The following LBP variants were observed in gnomAD, a reference collection of about 807,000 sequenced individuals.
LBP encodes lipopolysaccharide-binding protein.
In LBP, 53 loss-of-function variants were observed where a neutral mutation model predicts 56.6. That is an observed-to-expected ratio of 0.94 (90% CI 0.75 to 1.18). The LOEUF is 1.18. Ranked by LOEUF, LBP falls within the 50% of genes most tolerant of loss-of-function variation. The pLI, the probability that LBP is intolerant of heterozygous loss-of-function variation, is 0.00. For missense variants in LBP, 601 were observed against 598.3 expected (o/e 1.00, Z -0.05); for synonymous variants, 227 against 247.5 (o/e 0.92, Z 0.78).
intron 1 of LBP, among the ~76,000 whole-genome samples, chr20:38,347,338 G>C (rs906186993): frequency 6.6e-6 from 1 of 152,040 alleles, no homozygotes; most frequent in Non-Finnish European, 1.5e-5. Flanking sequence ...CAGGCCAGGA[G>C]TTCGAGGCAA....
At chr20:38,353,548 G>A (rs764853823) in intron 3 of LBP, among the ~76,000 whole-genome samples, 21 of 122,236 alleles carry the variant, frequency 1.7e-4, no homozygotes, top group African/African-American at 6.6e-4. Flanking sequence ...CCCACACCAC[G>A]CGTATATCTT....
In LBP at chr20:38,376,838, T is replaced by C. The variant is rs761630828; in HGVS notation, c.*169T>C. ...ACCCTCCTCCTCTTCACCAGGTGCATGCATGCCCTCTCTGAGTCTGGACTT... is the reference window on the plus strand; with the variant it reads ...ACCCTCCTCCTCTTCACCAGGTGCACGCATGCCCTCTCTGAGTCTGGACTT... On this transcript the variant is annotated 3_prime_UTR_variant, in exon 15 of 15. Transcript: ENST00000217407. 1.4e-5 allele frequency: 10 copies of C among 737,358 alleles called. No individual in the cohort carries two copies. The highest frequency in any genetic ancestry group is 5.7e-5 in the South Asian group (4 of 70,338). 45.7% of individuals were successfully genotyped at this position (737,358 alleles called of 1,614,324 possible). A position where few individuals can be genotyped will look rare whatever the true frequency, so the allele number is the denominator to read the frequency against.
intron 9 of LBP, among the ~76,000 whole-genome samples, chr20:38,368,531 A>G (rs2076890553): frequency 6.6e-6 from 1 of 152,118 alleles, no homozygotes; most frequent in Non-Finnish European, 1.5e-5. Flanking sequence ...CCCCAGAGGC[A>G]GAGGTTGCAG....
At chr20:38,362,422 A>G (rs13043870) in intron 6 of LBP, among the ~76,000 whole-genome samples, 75,134 of 145,154 alleles carry the variant, frequency 0.52, 19,777 homozygotes, top group Non-Finnish European at 0.56. Flanking sequence ...AGACCAGCCC[A>G]GTCAACATGG....
intron 5 of LBP, among the ~76,000 whole-genome samples, chr20:38,357,859 G>T (rs913762314): frequency 3.3e-5 from 5 of 152,166 alleles, no homozygotes; most frequent in African/African-American, 1.2e-4. Context: ...AATTGCCATG[G>T]CATTTGTAAA....
chr20:38,361,305 A>G (rs1361651496), intron 6 of LBP, among the ~76,000 whole-genome samples: 2 of 152,240 alleles, frequency 1.3e-5, no homozygotes, highest in East Asian at 3.8e-4. Flanking sequence ...ATGTAAGCAT[A>G]TAAATAGACA....
At chr20:38,371,131 A>T in intron 11 of LBP, 149 bp from the exon 12 acceptor site, 1 of 636,228 alleles carries the variant, frequency 1.6e-6, no homozygotes, top group East Asian at 2.6e-5. Flanking sequence ...CACTGCTTTT[A>T]GTTCCTCAGT....
chr20:38,366,677 A>G lies in LBP; in HGVS notation c.922-92A>G, dbSNP rs2076883146. On this transcript the variant is annotated intron_variant, in intron 8 of 14. Transcript: ENST00000217407. The stretch of plus-strand genomic sequence containing the variant: ...GTAACCCAGGCTGTGGAGAAGCGAC[A>G]GTCTTGCACATCCCCCTGTCTCCCC... 18 of 1,175,498 alleles carry G rather than the reference A, an allele frequency of 1.5e-5. 2 individuals carry two copies. The Middle Eastern group carries it at 1.3e-3, about 87-fold the overall frequency. 72.8% of individuals were successfully genotyped at this position (1,175,498 alleles called of 1,614,324 possible).
intron 6 of LBP, among the ~76,000 whole-genome samples, chr20:38,361,021 G>A (rs1285606087): frequency 6.6e-6 from 1 of 151,972 alleles, no homozygotes; most frequent in African/African-American, 2.4e-5. Flanking sequence ...AATTAGCCGG[G>A]CGTGGTGGCG....
chr20:38,368,911 C>A, intron 9 of LBP, 84 bp from the exon 10 acceptor site: 2 of 1,390,330 alleles, frequency 1.4e-6, no homozygotes, highest in Non-Finnish European at 2.0e-6. Flanking sequence ...AAGCAACTTC[C>A]AGCTTTATCT....
chr20:38,357,384 A>G (rs1164490851), intron 5 of LBP, among the ~76,000 whole-genome samples: 1 of 152,182 alleles, frequency 6.6e-6, no homozygotes, highest in Non-Finnish European at 1.5e-5. Context: ...AGATCTTCGA[A>G]TTATCTTCCA....
intron 5 of LBP, among the ~76,000 whole-genome samples, chr20:38,356,966 C>T (rs568955426): frequency 5.7e-4 from 87 of 152,238 alleles, no homozygotes; most frequent in African/African-American, 1.9e-3. Context: ...AGCAATTCTT[C>T]TGCCTCAGCC....
At chr20:38,347,716 G>C (rs747770120) in intron 1 of LBP, among the ~76,000 whole-genome samples, 3 of 152,132 alleles carry the variant, frequency 2.0e-5, no homozygotes, top group African/African-American at 2.4e-5. Context: ...CAGCACTTCT[G>C]TCCTGTTGCA....
At chr20:38,375,537 T>C (rs967579192) in intron 14 of LBP, among the ~76,000 whole-genome samples, 4 of 151,940 alleles carry the variant, frequency 2.6e-5, no homozygotes, top group South Asian at 4.1e-4. Context: ...GCTGAGATCA[T>C]GCCACTGCAC....
chr20:38,369,314 C>G (rs946203067), intron 10 of LBP, 152 bp downstream of exon 10: 6 of 765,844 alleles, frequency 7.8e-6, no homozygotes, highest in Non-Finnish European at 1.2e-5. Flanking sequence ...CTTGCTGGCC[C>G]TTACCCCCAA....
rs547955234 is a variant in LBP, at chr20:38,360,256, T to G, written c.589-448T>G. Reference sequence around the variant, plus strand: ...GCCTGGCCAACAGGGCGAGACTCCATCTCAAAAAAAAAAAAAAACAAAAAA... The same window carrying G: ...GCCTGGCCAACAGGGCGAGACTCCAGCTCAAAAAAAAAAAAAAACAAAAAA... On this transcript the variant is annotated intron_variant, in intron 5 of 14. Coordinates refer to ENST00000217407, the MANE Select transcript of LBP (RefSeq NM_004139.5). Among the ~76,000 whole-genome samples, 881 of 114,316 alleles carry G rather than the reference T, an allele frequency of 7.7e-3. 8 individuals carry two copies. Among genetic ancestry groups the G allele is most frequent in the Non-Finnish European group, 0.01 (561 of 54,450 alleles). The allele number at this position is 114,316 out of a possible 152,430, so 75.0% of individuals were successfully genotyped here.
Position 38,364,613 on chromosome 20 carries a change from C to T in LBP, c.782C>T (p.Thr261Ile), listed in dbSNP as rs1252384842. The change falls in exon 8 of 15, where the codon ACC becomes ATC. Residue 261 changes from threonine to isoleucine, a missense_variant. Coordinates refer to ENST00000217407, the MANE Select transcript of LBP (RefSeq NM_004139.5). ...IFHRNHRSPVTLLAAVMSLPE... is the reference protein window; with the variant it reads ...IFHRNHRSPVILLAAVMSLPE... Reference sequence around the variant, plus strand: ...CATCGTAACCACCGTTCTCCAGTTACCCTCCTTGCTGCAGTCATGAGCCTT... The same window carrying T: ...CATCGTAACCACCGTTCTCCAGTTATCCTCCTTGCTGCAGTCATGAGCCTT... The T allele has an allele frequency of 4.3e-6, 7 of 1,614,048 alleles. No homozygotes were observed.
chr20:38,355,614 C>T lies in LBP; in HGVS notation c.588+205C>T, dbSNP rs5744207. 1.5e-3 allele frequency among the ~76,000 whole-genome samples: 234 copies of T among 152,250 alleles called. 4 individuals are homozygous for T. Among genetic ancestry groups the T allele is most frequent in the African/African-American group, 5.4e-3 (223 of 41,548 alleles). ...AAAGCTCCAAGTCCGTTCGGTTGGG[C>T]AGAAAATGGTCAACTGCTTGACCAA... is the stretch of plus-strand genomic sequence containing the variant. On this transcript the variant is annotated intron_variant, in intron 5 of 14. Transcript: ENST00000217407.
intron 1 of LBP, among the ~76,000 whole-genome samples, chr20:38,348,033 G>A (rs759490516): frequency 6.6e-6 from 1 of 152,172 alleles, no homozygotes; most frequent in Non-Finnish European, 1.5e-5. Context: ...CAGGGACAAG[G>A]GGTAGCGTTC....
Sources: allele counts gnomAD v4.1 joint callset (sites outside exome capture counted in the v4.1 genomes callset), GRCh38; gene constraint gnomAD v4.1.1; transcripts MANE v1.5; gene names NCBI Gene and HGNC (gene_info 2026-07-23, HGNC 2026-07-21).